SLC16A10: variants seen among roughly 807,000 people sequenced by gnomAD.
SLC16A10 encodes solute carrier family 16 member 10.
In SLC16A10, 27 loss-of-function variants were observed where a neutral mutation model predicts 40.0. The observed-to-expected ratio is 0.67, with a 90% CI of 0.50 to 0.93. The LOEUF is 0.93. Among genes scored for constraint, SLC16A10 ranks in the 40% least tolerant of loss-of-function variants. SLC16A10 has a pLI of 0.00. For missense variants in SLC16A10, 529 were observed against 658.2 expected (o/e 0.80, Z 2.15); for synonymous variants, 213 against 249.8 (o/e 0.85, Z 1.39).
At chr6:111,179,400 A>G (rs1772749174) in intron 3 of SLC16A10, among the ~76,000 whole-genome samples, 1 of 152,258 alleles carries the variant, frequency 6.6e-6, no homozygotes, top group Admixed American at 6.5e-5. Flanking sequence ...GTGATTTTCC[A>G]AGAATTACAT....
chr6:111,185,348 A>G (rs575753763), intron 3 of SLC16A10, among the ~76,000 whole-genome samples: 17 of 152,222 alleles, frequency 1.1e-4, no homozygotes, highest in Non-Finnish European at 2.1e-4. Context: ...TACTGGGCCT[A>G]CACCAAAGAT....
At chr6:111,135,050 CT>C (rs1279640292) in intron 1 of SLC16A10, among the ~76,000 whole-genome samples, 1 of 152,172 alleles carries the variant, frequency 6.6e-6, no homozygotes, top group Admixed American at 6.5e-5. Context: ...GACTGGGGAA[CT>C]TTACTGTTTT....
intron 1 of SLC16A10, among the ~76,000 whole-genome samples, chr6:111,095,765 G>C (rs914771440): frequency 6.6e-6 from 1 of 152,178 alleles, no homozygotes; most frequent in Admixed American, 6.5e-5. Flanking sequence ...ACTTTCTGTT[G>C]CCTGTTGCCA....
chr6:111,200,137 G>A (rs978264675), intron 3 of SLC16A10, among the ~76,000 whole-genome samples: 3 of 152,098 alleles, frequency 2.0e-5, no homozygotes, highest in Non-Finnish European at 4.4e-5. Context: ...TAGGCCAAAG[G>A]TCTGCTCTCC....
At chr6:111,181,570 T>A (rs992435985) in intron 3 of SLC16A10, among the ~76,000 whole-genome samples, 1 of 152,222 alleles carries the variant, frequency 6.6e-6, no homozygotes, top group Admixed American at 6.5e-5. Context: ...ACAAATCTGA[T>A]CTTTGATCAA....
rs1265930463 is a variant in SLC16A10 at position 111,227,746 on chromosome 6, A to G, written c.*5511A>G. On this transcript the variant is annotated 3_prime_UTR_variant, in exon 6 of 6. Transcript: ENST00000368851. ...AACATGAGGCTACCTCATTTTTGAAATAGATTTCAATATTTTTATTAGTAA... is the reference window on the plus strand; with the variant it reads ...AACATGAGGCTACCTCATTTTTGAAGTAGATTTCAATATTTTTATTAGTAA... 6.6e-6 allele frequency: 1 copy of G among 152,140 alleles called. No homozygotes were observed. 9.4% of individuals were successfully genotyped at this position (152,140 alleles called of 1,614,324 possible).
At chr6:111,192,410 T>C (rs1428067399) in intron 3 of SLC16A10, among the ~76,000 whole-genome samples, 1 of 152,114 alleles carries the variant, frequency 6.6e-6, no homozygotes, top group African/African-American at 2.4e-5. Context: ...AGTTCCAAAC[T>C]TTCCTACATC....
At chr6:111,155,196 A>G (rs1772246194) in intron 1 of SLC16A10, among the ~76,000 whole-genome samples, 1 of 84,200 alleles carries the variant, frequency 1.2e-5, no homozygotes, top group Non-Finnish European at 2.4e-5. Flanking sequence ...TTTCAACAGG[A>G]CTTTTTTTTT....
At chr6:111,126,419 T>C (rs1433022490) in intron 1 of SLC16A10, among the ~76,000 whole-genome samples, 5 of 152,174 alleles carry the variant, frequency 3.3e-5, no homozygotes, top group Admixed American at 3.3e-4. Context: ...GCTTGTACAG[T>C]TGCAGCTGAA....
At chr6:111,137,372 T>C (rs1204075084) in intron 1 of SLC16A10, among the ~76,000 whole-genome samples, 1 of 152,234 alleles carries the variant, frequency 6.6e-6, no homozygotes, top group Non-Finnish European at 1.5e-5. Context: ...GGACCAGGCC[T>C]TTTCAAAACT....
At chr6:111,131,370 A>T (rs1771779334) in intron 1 of SLC16A10, among the ~76,000 whole-genome samples, 1 of 152,182 alleles carries the variant, frequency 6.6e-6, no homozygotes, top group Non-Finnish European at 1.5e-5. Context: ...CATTCCTTGG[A>T]ATCTGTGAGG....
chr6:111,142,217 A>C (rs1771995566), intron 1 of SLC16A10, among the ~76,000 whole-genome samples: 1 of 152,210 alleles, frequency 6.6e-6, no homozygotes, highest in African/African-American at 2.4e-5. Flanking sequence ...ATAGACCCAG[A>C]CAAATACAGT....
intron 1 of SLC16A10, among the ~76,000 whole-genome samples, chr6:111,090,040 A>G (rs1177585124): frequency 6.7e-6 from 1 of 148,780 alleles, no homozygotes; most frequent in Non-Finnish European, 1.5e-5. Flanking sequence ...CTTGTCCCCA[A>G]AGTTCTAATT....
At chr6:111,193,128 A>G (rs1434236983) in intron 3 of SLC16A10, among the ~76,000 whole-genome samples, 3 of 152,206 alleles carry the variant, frequency 2.0e-5, no homozygotes, top group Non-Finnish European at 4.4e-5. Flanking sequence ...CTGGGATTAC[A>G]GATGTGAGCC....
chr6:111,144,695 G>T (rs1772045661), intron 1 of SLC16A10, among the ~76,000 whole-genome samples: 1 of 152,154 alleles, frequency 6.6e-6, no homozygotes, highest in Non-Finnish European at 1.5e-5. Flanking sequence ...AACTTTTGGG[G>T]TAATAAATAT....
At chr6:111,132,186 AGAG>A (rs1160044411) in intron 1 of SLC16A10, among the ~76,000 whole-genome samples, 1 of 147,822 alleles carries the variant, frequency 6.8e-6, no homozygotes, top group Non-Finnish European at 1.5e-5. Flanking sequence ...GGCTAGGAGA[AGAG>A]AGAGAGAGAG....
intron 3 of SLC16A10, chr6:111,178,643 TTTTTC>T (rs1427238914): frequency 4.9e-6 from 1 of 202,952 alleles, no homozygotes; most frequent in African/African-American, 2.4e-5. Flanking sequence ...GTTTCTTCCT[TTTTTC>T]TTTTGTGGCT....
intron 3 of SLC16A10, among the ~76,000 whole-genome samples, chr6:111,191,004 T>G (rs982806315): frequency 9.9e-5 from 15 of 151,942 alleles, no homozygotes; most frequent in Admixed American, 3.9e-4. Flanking sequence ...AGAAAATGGG[T>G]TTTTCTTTTT....
At position 111,088,115 on chromosome 6, in the gene SLC16A10, G is replaced by T; in HGVS notation, c.343+20G>T. On this transcript the variant is annotated intron_variant, in intron 1 of 5. Transcript: ENST00000368851. Reference sequence around the variant, plus strand: ...AGACAGGTGAGGCGCGGCGCCCGCCGAGGCCAGCCTGGGCGACCCGCGTGG... The same window carrying T: ...AGACAGGTGAGGCGCGGCGCCCGCCTAGGCCAGCCTGGGCGACCCGCGTGG... The T allele has an allele frequency of 3.1e-6, 5 of 1,588,602 alleles. No homozygotes were observed. Among genetic ancestry groups the T allele is most frequent in the Non-Finnish European group, 4.3e-6 (5 of 1,169,308 alleles).
Sources: allele counts gnomAD v4.1 joint callset (sites outside exome capture counted in the v4.1 genomes callset), GRCh38; gene constraint gnomAD v4.1.1; transcripts MANE v1.5; gene names NCBI Gene and HGNC (gene_info 2026-07-23, HGNC 2026-07-21).